The following OTUD7A variants were observed in gnomAD, a reference collection of about 807,000 sequenced individuals.
OTUD7A encodes OTU domain-containing protein 7A.
A neutral mutation model predicts 65.7 loss-of-function variants in OTUD7A; 12 were observed. That is an observed-to-expected ratio of 0.18 (90% CI 0.12 to 0.30). The LOEUF is 0.30. Ranked by LOEUF, OTUD7A falls within the 10% of genes least tolerant of loss-of-function variation. The probability of loss-of-function intolerance (pLI) is 1.00; values close to 1 mark genes in which losing one functional copy is unlikely to be tolerated. For missense variants in OTUD7A, 1,148 were observed against 1,304.8 expected (o/e 0.88, Z 1.85); for synonymous variants, 641 against 586.3 (o/e 1.09, Z -1.35).
intron 1 of OTUD7A, among the ~76,000 whole-genome samples, chr15:31,818,408 C>G (rs1896602836): frequency 6.6e-6 from 1 of 152,186 alleles, no homozygotes; most frequent in African/African-American, 2.4e-5. Flanking sequence ...ATAGAAACCA[C>G]TAACATTTTC....
intron 1 of OTUD7A, among the ~76,000 whole-genome samples, chr15:31,715,576 T>C (rs965812770): frequency 1.4e-5 from 2 of 147,982 alleles, no homozygotes; most frequent in Non-Finnish European, 3.0e-5. Flanking sequence ...ACATACATCA[T>C]CTGTCCATTC....
intron 1 of OTUD7A, among the ~76,000 whole-genome samples, chr15:31,753,727 A>ATATATAT (rs1567005162): frequency 1.5e-5 from 2 of 130,518 alleles, no homozygotes; most frequent in Non-Finnish European, 1.6e-5. Context: ...TATATTATAT[A>ATATATAT]TATATATATA....
intron 3 of OTUD7A, among the ~76,000 whole-genome samples, chr15:31,618,851 T>C (rs918388472): frequency 6.6e-6 from 1 of 152,234 alleles, no homozygotes; most frequent in Non-Finnish European, 1.5e-5. Flanking sequence ...TCCTTGCCCA[T>C]GCCTATGTCC....
intron 4 of OTUD7A, among the ~76,000 whole-genome samples, chr15:31,560,201 T>G (rs1247742104): frequency 1.3e-5 from 2 of 152,216 alleles, no homozygotes; most frequent in Non-Finnish European, 2.9e-5. Context: ...GCAGCTCAGG[T>G]TTTAAGACAG....
In OTUD7A at chr15:31,498,933, A is replaced by G. The variant is rs1422343864; in HGVS notation, c.1171+2757T>C. ...CCCCATGTTGCATGCCTAGCCTGGGAAATGGGAGGATTCCTGAACTTGAAG... is the reference window on the plus strand; with the variant it reads ...CCCCATGTTGCATGCCTAGCCTGGGGAATGGGAGGATTCCTGAACTTGAAG... On this transcript the variant is annotated intron_variant, in intron 10 of 12. Coordinates refer to ENST00000307050, the MANE Select transcript of OTUD7A (RefSeq NM_001382637.1). The surrounding 1 kb of genome is among the most constrained non-coding windows in gnomAD (Gnocchi z 4.2). 6.6e-6 allele frequency among the ~76,000 whole-genome samples: 1 copy of G among 152,182 alleles called. No individual in the cohort carries two copies. The highest frequency in any genetic ancestry group is 1.5e-5 in the Non-Finnish European group (1 of 68,034).
intron 1 of OTUD7A, chr15:31,767,732 G>A (rs1271889712): frequency 1.4e-6 from 1 of 710,736 alleles, no homozygotes; most frequent in Non-Finnish European, 2.6e-6. Flanking sequence ...TATTTTCTCG[G>A]CATTTTCCTG....
At chr15:31,491,115 A>G (rs2041312166) in intron 10 of OTUD7A, among the ~76,000 whole-genome samples, 1 of 149,220 alleles carries the variant, frequency 6.7e-6, no homozygotes, top group Non-Finnish European at 1.5e-5. Context: ...AAAACCTATG[A>G]GGCGAAAGGA....
In OTUD7A at chr15:31,482,504, G is replaced by A. The variant is rs2041141211; in HGVS notation, c.*790C>T. ...GCTCCTCTATGAGCAAATCCAAATT[G>A]TGAGATGGGAACCCTGCTTTTTGGA... On this transcript the variant is annotated 3_prime_UTR_variant, in exon 13 of 13. Coordinates refer to ENST00000307050, the MANE Select transcript of OTUD7A (RefSeq NM_001382637.1). The A allele has an allele frequency of 6.6e-6, 1 of 152,326 alleles. No homozygotes were observed. Among genetic ancestry groups the A allele is most frequent in the Non-Finnish European group, 1.5e-5 (1 of 68,112 alleles). The allele number at this position is 152,326 out of a possible 1,614,324, so 9.4% of individuals were successfully genotyped here.
chr15:31,648,354 AC>A (rs1891739345), intron 3 of OTUD7A, among the ~76,000 whole-genome samples: 1 of 152,254 alleles, frequency 6.6e-6, no homozygotes, highest in South Asian at 2.1e-4. Flanking sequence ...CAAAGTTCCC[AC>A]AGAGACTAAA....
rs973213913 is a variant in OTUD7A at position 31,580,171 on chromosome 15, G to A, written c.152-9974C>T. Among the ~76,000 whole-genome samples, 5 of 152,300 alleles carry A rather than the reference G, an allele frequency of 3.3e-5. No individual in the cohort carries two copies. In the East Asian group the frequency reaches 9.6e-4, roughly 29 times the overall value. On this transcript the variant is annotated intron_variant, in intron 3 of 12. Coordinates refer to ENST00000307050, the MANE Select transcript of OTUD7A (RefSeq NM_001382637.1). ...TTGCGTCTGGATAAACCTGAAAGTA[G>A]AATGGGCAAGTACATTCAAGGTACT...
intron 1 of OTUD7A, among the ~76,000 whole-genome samples, chr15:31,831,110 G>GA (rs1167839683): frequency 1.3e-5 from 2 of 152,198 alleles, no homozygotes; most frequent in East Asian, 3.9e-4. Flanking sequence ...TATCCACATA[G>GA]AAAAAAGAAA....
chr15:31,864,808 T>C (rs1897836871), intron 1 of OTUD7A, among the ~76,000 whole-genome samples: 1 of 151,448 alleles, frequency 6.6e-6, no homozygotes, highest in Non-Finnish European at 1.5e-5. Flanking sequence ...TCAAAGCAAG[T>C]TCATCTAAGC....
chr15:31,656,284 C>T (rs967969405), intron 2 of OTUD7A, among the ~76,000 whole-genome samples: 10 of 152,246 alleles, frequency 6.6e-5, no homozygotes, highest in Non-Finnish European at 1.5e-5. Flanking sequence ...GGTGCTCAAT[C>T]TTTGCCGGTG....
At chr15:31,842,447 T>C (rs1434811217) in intron 1 of OTUD7A, among the ~76,000 whole-genome samples, 5 of 152,106 alleles carry the variant, frequency 3.3e-5, no homozygotes, top group Non-Finnish European at 5.9e-5. Flanking sequence ...TCCCAGAACT[T>C]GTTTTTTCCC....
At chr15:31,506,953 T>C (rs1389566683) in intron 8 of OTUD7A, among the ~76,000 whole-genome samples, 3 of 152,378 alleles carry the variant, frequency 2.0e-5, no homozygotes, top group Admixed American at 6.5e-5. Flanking sequence ...TTTGGGCCTC[T>C]GGAGTACCAT....
intron 1 of OTUD7A, among the ~76,000 whole-genome samples, chr15:31,856,261 A>G (rs1304068051): frequency 6.6e-6 from 1 of 152,242 alleles, no homozygotes; most frequent in Non-Finnish European, 1.5e-5. Flanking sequence ...GGATATCCAC[A>G]GACCATTTCT....
intron 5 of OTUD7A, among the ~76,000 whole-genome samples, chr15:31,547,088 A>C (rs1278369389): frequency 6.6e-6 from 1 of 152,246 alleles, no homozygotes; most frequent in Non-Finnish European, 1.5e-5. Context: ...GATGACTCTA[A>C]GAGAAAAGAC....
chr15:31,676,425 A>T (rs1595702394), intron 1 of OTUD7A, among the ~76,000 whole-genome samples: 1 of 152,206 alleles, frequency 6.6e-6, no homozygotes, highest in East Asian at 1.9e-4. Flanking sequence ...TGCAGCTAAA[A>T]GTATCCATGT....
intron 1 of OTUD7A, among the ~76,000 whole-genome samples, chr15:31,782,530 G>A (rs1203590639): frequency 6.6e-6 from 1 of 152,194 alleles, no homozygotes; most frequent in African/African-American, 2.4e-5. Flanking sequence ...GCCCTGAGGG[G>A]TAGTGAGCAG....
Sources: gnomAD v4.1 joint callset for allele counts (sites outside exome capture counted in the v4.1 genomes callset) on GRCh38, gnomAD v4.1.1 for gene constraint, Gnocchi (gnomAD v3.1) non-coding constraint, MANE v1.5 for transcripts, NCBI Gene and HGNC (gene_info 2026-07-23, HGNC 2026-07-21) for gene names.